LRFN5: variants seen among roughly 807,000 people sequenced by gnomAD.
LRFN5 encodes the protein leucine-rich repeat and fibronectin type-III domain-containing protein 5.
Under a neutral mutation model 45.6 loss-of-function variants are expected in LRFN5, and 24 were observed. The ratio of observed to expected loss-of-function variants is 0.53; its 90% CI spans 0.38 to 0.74. The LOEUF is 0.74. Ranked by LOEUF, LRFN5 falls within the 30% of genes least tolerant of loss-of-function variation. The pLI, the probability that LRFN5 is intolerant of heterozygous loss-of-function variation, is 0.00. For missense variants in LRFN5, 776 were observed against 861.5 expected (o/e 0.90, Z 1.24); for synonymous variants, 340 against 313.8 (o/e 1.08, Z -0.88).
At chr14:41,619,586 C>G (rs1489682823) in intron 1 of LRFN5, among the ~76,000 whole-genome samples, 1 of 151,758 alleles carries the variant, frequency 6.6e-6, no homozygotes, top group Non-Finnish European at 1.5e-5. Context: ...TTTATATTTT[C>G]TTTAGAATCT....
At chr14:41,801,342 G>T (rs1887324886) in intron 2 of LRFN5, among the ~76,000 whole-genome samples, 1 of 152,118 alleles carries the variant, frequency 6.6e-6, no homozygotes, top group African/African-American at 2.4e-5. Flanking sequence ...TTCAATTAAT[G>T]TCAATTAAAA....
intron 2 of LRFN5, among the ~76,000 whole-genome samples, chr14:41,846,025 T>G (rs950952221): frequency 1.3e-5 from 2 of 150,686 alleles, no homozygotes; most frequent in African/African-American, 2.4e-5. Flanking sequence ...CTTCCATAAC[T>G]GTTATAAAAC....
At chr14:41,746,605 G>A (rs916495674) in intron 1 of LRFN5, among the ~76,000 whole-genome samples, 1 of 151,804 alleles carries the variant, frequency 6.6e-6, no homozygotes, top group Admixed American at 6.6e-5. Context: ...CTCTTTGCCA[G>A]TTATATTTCC....
chr14:41,870,338 T>C (rs575263686), intron 2 of LRFN5, among the ~76,000 whole-genome samples: 10 of 152,178 alleles, frequency 6.6e-5, no homozygotes, highest in Non-Finnish European at 1.3e-4. Context: ...TCAAAATAAC[T>C]GTATTAATCT....
At chr14:41,851,362 G>A (rs1264722794) in intron 2 of LRFN5, among the ~76,000 whole-genome samples, 1 of 149,614 alleles carries the variant, frequency 6.7e-6, no homozygotes, top group Non-Finnish European at 1.5e-5. Flanking sequence ...TATTATTAGA[G>A]TAATATTATA....
chr14:41,611,384 A>T (rs1357573992), intron 1 of LRFN5, among the ~76,000 whole-genome samples: 1 of 152,160 alleles, frequency 6.6e-6, no homozygotes, highest in African/African-American at 2.4e-5. Flanking sequence ...ATCTAAGTCC[A>T]CTGTCCTTGT....
At chr14:41,833,562 A>T (rs1011720359) in intron 2 of LRFN5, among the ~76,000 whole-genome samples, 8 of 152,158 alleles carry the variant, frequency 5.3e-5, no homozygotes, top group African/African-American at 1.9e-4. Context: ...TGCTGAGCAG[A>T]GTTTCCTTCG....
chr14:41,900,865 AC>A (rs375317450), intron 5 of LRFN5, among the ~76,000 whole-genome samples: 129 of 152,254 alleles, frequency 8.5e-4, no homozygotes, highest in African/African-American at 2.5e-3. Context: ...ATAGCCTTTC[AC>A]ATTGTCAGTG....
chr14:41,815,525 A>G (rs963358651), intron 2 of LRFN5, among the ~76,000 whole-genome samples: 4 of 152,064 alleles, frequency 2.6e-5, no homozygotes, highest in Non-Finnish European at 4.4e-5. Flanking sequence ...ATCACTTGAA[A>G]TAAGGAGTTT....
At chr14:41,676,095 G>A (rs1035079534) in intron 1 of LRFN5, among the ~76,000 whole-genome samples, 1 of 152,188 alleles carries the variant, frequency 6.6e-6, no homozygotes, top group Non-Finnish European at 1.5e-5. Flanking sequence ...CAGGCTGATA[G>A]TGTCTCTCAT....
intron 1 of LRFN5, among the ~76,000 whole-genome samples, chr14:41,745,370 C>T (rs1421396187): frequency 2.0e-5 from 3 of 151,958 alleles, no homozygotes; most frequent in Non-Finnish European, 2.9e-5. Context: ...ACTTACGGTA[C>T]TCAGTGAAAG....
chr14:41,610,605 T>C (rs552438655), intron 1 of LRFN5, among the ~76,000 whole-genome samples: 94 of 127,886 alleles, frequency 7.4e-4, no homozygotes, highest in African/African-American at 2.7e-3. Context: ...CAAGGAATGA[T>C]ACAGAAGATA....
At chr14:41,704,440 C>CTGTGTGTGTGTGTGTGTGTG (rs1207281360) in intron 1 of LRFN5, among the ~76,000 whole-genome samples, 14 of 125,350 alleles carry the variant, frequency 1.1e-4, no homozygotes, top group African/African-American at 2.5e-4. Flanking sequence ...CTCTCTCTCT[C>CTGTGTGTGTGTGTGTGTGTG]TCTCTCTCTG....
chr14:41,748,956 T>C (rs912256529), intron 1 of LRFN5, among the ~76,000 whole-genome samples: 1 of 151,870 alleles, frequency 6.6e-6, no homozygotes, highest in African/African-American at 2.4e-5. Flanking sequence ...GTGGATTCTA[T>C]AGCATGGCAC....
At chr14:41,877,792 G>C (rs1307836728) in intron 2 of LRFN5, among the ~76,000 whole-genome samples, 1 of 152,084 alleles carries the variant, frequency 6.6e-6, no homozygotes, top group Admixed American at 6.6e-5. Context: ...GTTTTACACA[G>C]ATCCTAACTC....
At chr14:41,620,797 C>T (rs1156707340) in intron 1 of LRFN5, among the ~76,000 whole-genome samples, 2 of 151,520 alleles carry the variant, frequency 1.3e-5, no homozygotes, top group African/African-American at 4.8e-5. Flanking sequence ...TTGTCTGTAC[C>T]ATCACATTTT....
At chr14:41,839,831 C>T (rs568164046) in intron 2 of LRFN5, among the ~76,000 whole-genome samples, 34 of 152,154 alleles carry the variant, frequency 2.2e-4, no homozygotes, top group Admixed American at 1.4e-3. Context: ...CAATTTCTAA[C>T]CAGCGGGTAT....
intron 1 of LRFN5, among the ~76,000 whole-genome samples, chr14:41,626,630 T>C (rs979159732): frequency 1.3e-5 from 2 of 152,098 alleles, no homozygotes; most frequent in African/African-American, 4.8e-5. Context: ...GAGACAGGAA[T>C]GTTGAGTGTA....
chr14:41,876,467 C>A (rs1479234772), intron 2 of LRFN5, among the ~76,000 whole-genome samples: 2 of 125,666 alleles, frequency 1.6e-5, no homozygotes, highest in East Asian at 5.1e-4. Context: ...TTTTCTTTTT[C>A]TTGTATTTTT....
Sources: gnomAD v4.1 joint callset for allele counts (sites outside exome capture counted in the v4.1 genomes callset) on GRCh38, gnomAD v4.1.1 for gene constraint, MANE v1.5 for transcripts, NCBI Gene and HGNC (gene_info 2026-07-23, HGNC 2026-07-21) for gene names.